The following AXDND1 variants were observed in gnomAD, a reference collection of about 807,000 sequenced individuals.
AXDND1 encodes the protein axonemal dynein light chain domain-containing protein 1.
In AXDND1, 110 loss-of-function variants were observed where a neutral mutation model predicts 137.5. That is an observed-to-expected ratio of 0.80 (90% CI 0.69 to 0.94). The LOEUF is 0.94. AXDND1 is among the 40% of genes least tolerant of loss of function. The probability of loss-of-function intolerance (pLI) is 0.00; values close to 1 mark genes in which losing one functional copy is unlikely to be tolerated. For synonymous variants in AXDND1, 414 were observed against 399.7 expected (o/e 1.04, Z -0.43); for missense variants, 1,191 against 1,169.8 (o/e 1.02, Z -0.26).
chr1:179,528,579 C>T (rs530395937), intron 23 of AXDND1, 148 bp downstream of exon 23: 144 of 436,242 alleles, frequency 3.3e-4, no homozygotes, highest in African/African-American at 2.8e-3. Flanking sequence ...CAACATAATT[C>T]CTGGAAAACT....
chr1:179,379,315 G>A (rs538753394), intron 5 of AXDND1, 82 bp from the exon 6 acceptor site: 38 of 1,423,350 alleles, frequency 2.7e-5, no homozygotes, highest in East Asian at 1.8e-4. Context: ...ATCTCTTTAG[G>A]TTAGGAATTA....
Position 179,528,308 on chromosome 1 carries a change from G to T in AXDND1, c.2611-19G>T, listed in dbSNP as rs191177659. The T allele has an allele frequency of 9.5e-6, 15 of 1,579,212 alleles. No individual in the cohort carries two copies. The highest frequency in any genetic ancestry group is 9.4e-5 in the African/African-American group (7 of 74,128). ...GCTACACCAGCTTGCTAACAGGTCC[G>T]CATGTTTCTGTGTTCTAGCAACCTT... On this transcript the variant is annotated intron_variant, in intron 22 of 25. Coordinates refer to ENST00000367618, the MANE Select transcript of AXDND1 (RefSeq NM_144696.6).
intron 16 of AXDND1, among the ~76,000 whole-genome samples, chr1:179,446,454 C>T (rs957846052): frequency 9.8e-5 from 15 of 152,300 alleles, no homozygotes; most frequent in East Asian, 3.9e-4. Context: ...ATTAGGGATT[C>T]GGTGAAGAAT....
chr1:179,534,685 T>C lies in AXDND1; in HGVS notation c.2799-45T>C, dbSNP rs769305962. On this transcript the variant is annotated intron_variant, in intron 24 of 25. Transcript: ENST00000367618. ...AAATGAGTTTCGAAATCAAAAATAC[T>C]TTTTCAACCCTTTCTATTTTGTTGT... 7 of 1,527,668 alleles carry C rather than the reference T, an allele frequency of 4.6e-6. No homozygotes were observed. In the African/African-American group the frequency reaches 5.6e-5, roughly 12 times the overall value. 94.6% of individuals were successfully genotyped at this position (1,527,668 alleles called of 1,614,324 possible).
intron 17 of AXDND1, among the ~76,000 whole-genome samples, chr1:179,480,047 C>T (rs1358308946): frequency 6.6e-6 from 1 of 152,178 alleles, no homozygotes; most frequent in Non-Finnish European, 1.5e-5. Context: ...AATTGTTCCA[C>T]ATTTTCCTGT....
In AXDND1 at chr1:179,491,559, A is replaced by G. The variant is rs1310260944; in HGVS notation, c.2113A>G (p.Met705Val). ...ACAGATGGATGAGTTACATATATCTATGATCCAGTGGATGGTAAACTTGCT... is the reference window on the plus strand; with the variant it reads ...ACAGATGGATGAGTTACATATATCTGTGATCCAGTGGATGGTAAACTTGCT... Reference protein sequence around the residue: ...QHHMDELHISMIQWMVNLLIL... With the variant: ...QHHMDELHISVIQWMVNLLIL... The change falls in exon 19 of 26, where the codon ATG becomes GTG. Residue 705 changes from methionine to valine, a missense_variant. Met to Val is a conservative substitution (Grantham distance 21). Transcript: ENST00000367618. 4.4e-6 allele frequency: 7 copies of G among 1,608,226 alleles called. No individual in the cohort carries two copies. Among genetic ancestry groups the G allele is most frequent in the Non-Finnish European group, 6.0e-6 (7 of 1,174,788 alleles).
At chr1:179,371,350 T>C (rs12121919) in intron 4 of AXDND1, among the ~76,000 whole-genome samples, 67,561 of 151,908 alleles carry the variant, frequency 0.44, 15,873 homozygotes, top group East Asian at 0.76. Flanking sequence ...ATTGCTTGAA[T>C]CCAGGAGGTG....
At chr1:179,537,411 G>A (rs1572206207) in intron 25 of AXDND1, among the ~76,000 whole-genome samples, 1 of 152,124 alleles carries the variant, frequency 6.6e-6, no homozygotes, top group South Asian at 2.1e-4. Flanking sequence ...TAGCATGAAG[G>A]GCTGTTGTTG....
chr1:179,456,482 G>A (rs1190309710), intron 16 of AXDND1: 1 of 767,650 alleles, frequency 1.3e-6, no homozygotes, highest in Admixed American at 1.7e-5. Flanking sequence ...AGCTATTATA[G>A]CTGCCACTCC....
At chr1:179,464,835 A>G (rs138937691) in intron 16 of AXDND1, among the ~76,000 whole-genome samples, 16,363 of 151,700 alleles carry the variant, frequency 0.11, 1,006 homozygotes, top group African/African-American at 0.14. Context: ...TTTTCTCTAA[A>G]CTTCTCTTTT....
At chr1:179,416,390 CT>C (rs1654713204) in intron 12 of AXDND1, among the ~76,000 whole-genome samples, 1 of 152,072 alleles carries the variant, frequency 6.6e-6, no homozygotes, top group African/African-American at 2.4e-5. Flanking sequence ...GTGCTGGTAT[CT>C]TTTGATATAC....
At chr1:179,427,046 C>T (rs995345105) in intron 12 of AXDND1, among the ~76,000 whole-genome samples, 1 of 152,120 alleles carries the variant, frequency 6.6e-6, no homozygotes. Flanking sequence ...TGCCTGTAAT[C>T]CCAGCTACTC....
At chr1:179,528,805 T>C (rs369286309) in intron 23 of AXDND1, among the ~76,000 whole-genome samples, 1 of 152,224 alleles carries the variant, frequency 6.6e-6, no homozygotes, top group East Asian at 1.9e-4. Flanking sequence ...TTGGCTAGGC[T>C]GGTCTCAATC....
chr1:179,404,694 A>G (rs1230672900), intron 11 of AXDND1, among the ~76,000 whole-genome samples: 4 of 152,162 alleles, frequency 2.6e-5, no homozygotes, highest in African/African-American at 9.7e-5. Flanking sequence ...AAGTTCATCC[A>G]TGATATTGGT....
At chr1:179,536,250 T>C (rs1259263583) in intron 25 of AXDND1, among the ~76,000 whole-genome samples, 2 of 152,166 alleles carry the variant, frequency 1.3e-5, no homozygotes, top group Admixed American at 6.5e-5. Context: ...CTTGTGTTGC[T>C]ATTGCTTTTG....
At chr1:179,432,243 T>C in intron 14 of AXDND1, 24 bp from the exon 15 acceptor site, 6 of 1,500,042 alleles carry the variant, frequency 4.0e-6, no homozygotes, top group Non-Finnish European at 5.4e-6. Context: ...GAGATGTTTC[T>C]CTTTTTTTTT....
chr1:179,520,872 T>A (rs918024923), intron 21 of AXDND1, among the ~76,000 whole-genome samples: 1 of 148,084 alleles, frequency 6.8e-6, no homozygotes, highest in Non-Finnish European at 1.5e-5. Context: ...ATATATACAG[T>A]TATATATATA....
intron 15 of AXDND1, among the ~76,000 whole-genome samples, chr1:179,433,238 T>G (rs887916230): frequency 2.0e-5 from 3 of 152,318 alleles, no homozygotes; most frequent in Non-Finnish European, 4.4e-5. Flanking sequence ...CATTTTTTAT[T>G]GTGTCTATTC....
At chr1:179,502,354 C>G (rs979586616) in intron 20 of AXDND1, among the ~76,000 whole-genome samples, 1 of 151,766 alleles carries the variant, frequency 6.6e-6, no homozygotes, top group Non-Finnish European at 1.5e-5. Context: ...CACCTGTGGT[C>G]AGGAGTTCAA....
Sources: gnomAD v4.1 joint callset for allele counts (sites outside exome capture counted in the v4.1 genomes callset) on GRCh38, gnomAD v4.1.1 for gene constraint, MANE v1.5 for transcripts, NCBI Gene and HGNC (gene_info 2026-07-23, HGNC 2026-07-21) for gene names.